The following CD226 variants were observed in gnomAD, a reference collection of about 807,000 sequenced individuals.
CD226 encodes CD226 molecule.
A neutral mutation model predicts 34.9 loss-of-function variants in CD226; 24 were observed. The observed-to-expected ratio is 0.69, with a 90% CI of 0.50 to 0.97. CD226 has a LOEUF of 0.97. Ranked by LOEUF, CD226 falls within the 50% of genes least tolerant of loss-of-function variation. The probability of loss-of-function intolerance (pLI) is 0.00; values close to 1 mark genes in which losing one functional copy is unlikely to be tolerated. For missense variants in CD226, 397 were observed against 412.7 expected (o/e 0.96, Z 0.33); for synonymous variants, 148 against 147.4 (o/e 1.00, Z -0.03).
chr18:69,878,213 G>A (rs1289074698), intron 3 of CD226, among the ~76,000 whole-genome samples: 2 of 151,996 alleles, frequency 1.3e-5, no homozygotes, highest in Middle Eastern at 3.2e-3. Context: ...CCATTTTTTT[G>A]CTAACTTTTT....
intron 2 of CD226, among the ~76,000 whole-genome samples, chr18:69,946,320 G>A (rs187160352): frequency 2.0e-4 from 31 of 152,042 alleles, no homozygotes; most frequent in African/African-American, 7.5e-4. Context: ...ATTTGGTACT[G>A]TAGGAAGAAC....
chr18:69,926,464 C>G (rs1035301950), intron 2 of CD226, among the ~76,000 whole-genome samples: 1 of 152,076 alleles, frequency 6.6e-6, no homozygotes, highest in African/African-American at 2.4e-5. Flanking sequence ...CCCATGAGAG[C>G]GTTATTTCAT....
At chr18:69,869,967 AT>A (rs1238892343) in intron 4 of CD226, among the ~76,000 whole-genome samples, 10 of 147,346 alleles carry the variant, frequency 6.8e-5, no homozygotes, top group Non-Finnish European at 7.5e-5. Context: ...TGCCTGGCTA[AT>A]TTTTTTTTTA....
chr18:69,864,983 G>T (rs1208380431), intron 5 of CD226, among the ~76,000 whole-genome samples: 1 of 152,126 alleles, frequency 6.6e-6, no homozygotes, highest in Non-Finnish European at 1.5e-5. Context: ...TAAAAATTTA[G>T]ATTGACCTTA....
At chr18:69,951,359 A>C (rs570206018), upstream of CD226, among the ~76,000 whole-genome samples, 6 of 152,278 alleles carry the variant, frequency 3.9e-5, no homozygotes, top group South Asian at 1.0e-3. Context: ...AGTTATTCAC[A>C]TTCCATGCCA....
intron 2 of CD226, among the ~76,000 whole-genome samples, chr18:69,944,179 A>G (rs547573430): frequency 1.3e-5 from 2 of 152,272 alleles, no homozygotes; most frequent in East Asian, 1.9e-4. Context: ...CAAACTCTCA[A>G]AATAGGGTAG....
chr18:69,959,776 C>G (rs932505271), upstream of CD226, among the ~76,000 whole-genome samples: 1 of 152,138 alleles, frequency 6.6e-6, no homozygotes, highest in East Asian at 1.9e-4. Context: ...TGCTGACTGA[C>G]GATACCTGAG....
At chr18:69,890,285 C>G in intron 3 of CD226, among the ~76,000 whole-genome samples, 1 of 152,082 alleles carries the variant, frequency 6.6e-6, no homozygotes, top group Non-Finnish European at 1.5e-5. Flanking sequence ...TTTCTGATAA[C>G]CAGAGTTTGG....
chr18:69,909,253 T>C (rs924580959), intron 2 of CD226, among the ~76,000 whole-genome samples: 3 of 152,152 alleles, frequency 2.0e-5, no homozygotes, highest in African/African-American at 7.2e-5. Context: ...CCAAAGATGA[T>C]GTGTTGTAAA....
chr18:69,888,269 C>A (rs2145223960), intron 3 of CD226, among the ~76,000 whole-genome samples: 1 of 152,260 alleles, frequency 6.6e-6, no homozygotes, highest in African/African-American at 2.4e-5. Context: ...CTCTAAGAGA[C>A]AACCTCAAGC....
At chr18:69,874,810 T>A (rs972245191) in intron 3 of CD226, among the ~76,000 whole-genome samples, 1 of 152,228 alleles carries the variant, frequency 6.6e-6, no homozygotes, top group Non-Finnish European at 1.5e-5. Context: ...ATTCCACAAA[T>A]AAGTGAAGTC....
intron 2 of CD226, among the ~76,000 whole-genome samples, chr18:69,923,691 C>T (rs533468831): frequency 1.7e-4 from 26 of 152,282 alleles, no homozygotes; most frequent in African/African-American, 4.1e-4. Flanking sequence ...CGGTGGCTCA[C>T]GCCTGTAATC....
At chr18:69,935,736 T>C (rs17081896) in intron 2 of CD226, among the ~76,000 whole-genome samples, 2,211 of 152,306 alleles carry the variant, frequency 0.015, 55 homozygotes, top group African/African-American at 0.051. Context: ...ACTCACAGAA[T>C]GTTCTGAGGT....
At chr18:69,921,499 T>C (rs1012985764) in intron 2 of CD226, among the ~76,000 whole-genome samples, 1 of 152,170 alleles carries the variant, frequency 6.6e-6, no homozygotes, top group Non-Finnish European at 1.5e-5. Context: ...AGGAATGACT[T>C]CTTAGTCATA....
intron 3 of CD226, among the ~76,000 whole-genome samples, chr18:69,890,995 C>T (rs1984864939): frequency 7.8e-6 from 1 of 128,082 alleles, no homozygotes. Context: ...CACCCTGATA[C>T]CAAAACCAGA....
upstream of CD226, among the ~76,000 whole-genome samples, chr18:69,951,289 AT>A (rs1482353821): frequency 1.3e-5 from 2 of 151,946 alleles, no homozygotes; most frequent in African/African-American, 4.8e-5. Flanking sequence ...GAAAACTATG[AT>A]TGATTTGAGG....
At chr18:69,910,001 T>C (rs1205724043) in intron 2 of CD226, among the ~76,000 whole-genome samples, 3 of 152,376 alleles carry the variant, frequency 2.0e-5, no homozygotes, top group Middle Eastern at 3.4e-3. Flanking sequence ...ATGACATGTA[T>C]GTACACTTTG....
At chr18:69,923,734 A>G (rs2055483749) in intron 2 of CD226, among the ~76,000 whole-genome samples, 1 of 152,106 alleles carries the variant, frequency 6.6e-6, no homozygotes, top group Non-Finnish European at 1.5e-5. Context: ...CGGGCGGATC[A>G]CGAGGTCAGG....
At position 69,946,719 on chromosome 18, in the gene CD226, A is replaced by C. The variant is rs1403291313; in HGVS notation, c.382+15T>G. ...GATAAAAAGGGATTTAAAAAAAAAA[A>C]AAACTTGCCCTTACCTGACTGAACC... On this transcript the variant is annotated intron_variant, in intron 2 of 5. Transcript: ENST00000582621. 2.6e-6 allele frequency: 4 copies of C among 1,552,716 alleles called. No homozygotes were observed. In the East Asian group the frequency reaches 6.8e-5, roughly 26 times the overall value.
Sources: allele counts gnomAD v4.1 joint callset (sites outside exome capture counted in the v4.1 genomes callset), GRCh38; gene constraint gnomAD v4.1.1; transcripts MANE v1.5; gene names NCBI Gene and HGNC (gene_info 2026-07-23, HGNC 2026-07-21).